The following SYTL2 variants were observed in gnomAD, a reference collection of about 807,000 sequenced individuals.
SYTL2 encodes synaptotagmin-like protein 2.
Under a neutral mutation model 198.7 loss-of-function variants are expected in SYTL2, and 165 were observed. The observed-to-expected ratio is 0.83, with a 90% CI of 0.73 to 0.94. The LOEUF is 0.94. Among genes scored for constraint, SYTL2 ranks in the 40% least tolerant of loss-of-function variants. The pLI is 0.00. For missense variants in SYTL2, 2,835 were observed against 2,582.8 expected (o/e 1.10, Z -2.12); for synonymous variants, 966 against 917.7 (o/e 1.05, Z -0.95).
At chr11:85,741,790 G>C (rs985234853) in intron 4 of SYTL2, among the ~76,000 whole-genome samples, 1 of 152,174 alleles carries the variant, frequency 6.6e-6, no homozygotes, top group African/African-American at 2.4e-5. Flanking sequence ...GGAAAACTAA[G>C]AGCTAAAGAT....
At chr11:85,702,638 T>C (rs1294232518) in intron 16 of SYTL2, among the ~76,000 whole-genome samples, 1 of 152,212 alleles carries the variant, frequency 6.6e-6, no homozygotes, top group Admixed American at 6.5e-5. Flanking sequence ...AAAACTGGGC[T>C]TGTGCTTCAA....
intron 1 of SYTL2, among the ~76,000 whole-genome samples, chr11:85,773,698 C>T (rs548490046): frequency 6.6e-6 from 1 of 152,264 alleles, no homozygotes; most frequent in African/African-American, 2.4e-5. Context: ...ATCAAAGTAC[C>T]ACATTCATTT....
At position 85,695,036 on chromosome 11, in the gene SYTL2, T is replaced by C; in HGVS notation, c.*159A>G. On this transcript the variant is annotated 3_prime_UTR_variant, in exon 20 of 20. Transcript: ENST00000359152. ...TTATATTTAAATCCCTTGGGCCTTG[T>C]AATCAAAGAAGCACATGCAGATTGA... 1.7e-6 allele frequency: 1 copy of C among 586,468 alleles called. No homozygotes were observed. Among genetic ancestry groups the C allele is most frequent in the Non-Finnish European group, 2.8e-6 (1 of 353,608 alleles). The allele number at this position is 586,468 out of a possible 1,614,324, so 36.3% of individuals were successfully genotyped here.
upstream of SYTL2, among the ~76,000 whole-genome samples, chr11:85,816,118 T>G (rs1374535613): frequency 3.9e-5 from 6 of 152,064 alleles, no homozygotes; most frequent in Non-Finnish European, 7.4e-5. Flanking sequence ...TGAGCCGAGA[T>G]CACGCCACTG....
the SYTL2 span, among the ~76,000 whole-genome samples, chr11:85,835,648 C>T: frequency 6.6e-6 from 1 of 152,162 alleles, no homozygotes; most frequent in Non-Finnish European, 1.5e-5. Flanking sequence ...GGCAATATCC[C>T]TCTCAGAACC....
rs751597251 is a variant in SYTL2 at position 85,717,480 on chromosome 11, C to T, written c.5530+3G>A. On this transcript the variant is annotated splice_donor_region_variant and intron_variant, in intron 11 of 19. Transcript: ENST00000359152. ...CATTTGTGAGAAAGATCCTGCTACT[C>T]ACTTCTTGGTACGCATTCATTTGTA... 1 of 1,612,350 alleles carries T rather than the reference C, an allele frequency of 6.2e-7. No individual in the cohort carries two copies. The highest frequency in any genetic ancestry group is 8.5e-7 in the Non-Finnish European group (1 of 1,178,654).
chr11:85,734,864 G>T (rs368113441), intron 6 of SYTL2, 122 bp from the exon 7 acceptor site: 86 of 779,090 alleles, frequency 1.1e-4, no homozygotes, highest in African/African-American at 6.5e-4. Flanking sequence ...AGTAAAGTAT[G>T]TGGCACAACT....
chr11:85,746,711 C>A (rs770391765), intron 3 of SYTL2, among the ~76,000 whole-genome samples: 30 of 152,164 alleles, frequency 2.0e-4, no homozygotes, highest in Non-Finnish European at 4.1e-4. Context: ...AAAATGGGGT[C>A]ACCTGGTACT....
intron 1 of SYTL2, among the ~76,000 whole-genome samples, chr11:85,807,872 T>G (rs984827844): frequency 6.6e-6 from 1 of 152,172 alleles, no homozygotes; most frequent in African/African-American, 2.4e-5. Flanking sequence ...CTTTTAATTA[T>G]TCATGATTTT....
chr11:85,759,527 T>C (rs1215856603), intron 1 of SYTL2, among the ~76,000 whole-genome samples: 3 of 97,406 alleles, frequency 3.1e-5, no homozygotes, highest in African/African-American at 9.5e-5. Context: ...TTGCATTCTG[T>C]ACCAAAAATA....
At chr11:85,837,274 G>C in the SYTL2 span, among the ~76,000 whole-genome samples, 44 of 152,286 alleles carry the variant, frequency 2.9e-4, no homozygotes, top group South Asian at 2.3e-3. Context: ...GGTAATGAAG[G>C]GTATAAGAGT....
chr11:85,789,380 A>G lies in SYTL2; in HGVS notation c.-390+21574T>C, dbSNP rs867039439. 1.8e-3 allele frequency among the ~76,000 whole-genome samples: 131 copies of G among 72,268 alleles called. 5 individuals carry two copies. The highest frequency in any genetic ancestry group is 5.0e-3 in the Admixed American group (30 of 6,046). The allele number at this position is 72,268 out of a possible 152,430, so 47.4% of individuals were successfully genotyped here. A position where few individuals can be genotyped will look rare whatever the true frequency, so the allele number is the denominator to read the frequency against. On this transcript the variant is annotated intron_variant, in intron 1 of 19. Coordinates refer to ENST00000359152, the MANE Select transcript of SYTL2 (RefSeq NM_206927.4). ...TATATATATATATATATATATATGT[A>G]TATATATATATATATATATAATTTT...
At chr11:85,822,032 C>G in the SYTL2 span, among the ~76,000 whole-genome samples, 1 of 152,230 alleles carries the variant, frequency 6.6e-6, no homozygotes, top group Admixed American at 6.5e-5. Context: ...TATCTGCTTT[C>G]CATTTCAAAG....
intron 14 of SYTL2, among the ~76,000 whole-genome samples, chr11:85,708,366 TATA>T (rs544746001): frequency 4.6e-5 from 7 of 152,062 alleles, no homozygotes; most frequent in Non-Finnish European, 7.4e-5. Context: ...CAGTTGTTTT[TATA>T]ATAAGAATAA....
intron 1 of SYTL2, among the ~76,000 whole-genome samples, chr11:85,769,881 C>A (rs1255562159): frequency 6.6e-6 from 1 of 152,180 alleles, no homozygotes; most frequent in Non-Finnish European, 1.5e-5. Flanking sequence ...AGGAGAACCA[C>A]AACCACTTGC....
intron 7 of SYTL2, among the ~76,000 whole-genome samples, chr11:85,728,929 T>C (rs1359122303): frequency 1.3e-5 from 2 of 152,218 alleles, no homozygotes; most frequent in African/African-American, 4.8e-5. Context: ...ATTCTAGTGA[T>C]TGTTCTGCAT....
At chr11:85,824,545 G>C in the SYTL2 span, among the ~76,000 whole-genome samples, 1 of 152,164 alleles carries the variant, frequency 6.6e-6, no homozygotes, top group African/African-American at 2.4e-5. Context: ...GGTTTGTATT[G>C]AGTAACAGAA....
intron 3 of SYTL2, among the ~76,000 whole-genome samples, chr11:85,747,398 A>AT (rs1158843045): frequency 6.6e-6 from 1 of 152,150 alleles, no homozygotes; most frequent in Non-Finnish European, 1.5e-5. Flanking sequence ...CTGGGGTGGG[A>AT]TGCTGGCTGC....
Position 85,695,031 on chromosome 11 carries a change from C to T in SYTL2, c.*164G>A. On this transcript the variant is annotated 3_prime_UTR_variant, in exon 20 of 20. Transcript: ENST00000359152. ...TTTTGTTATATTTAAATCCCTTGGG[C>T]CTTGTAATCAAAGAAGCACATGCAG... The T allele has an allele frequency of 1.8e-6, 1 of 550,604 alleles. No homozygotes were observed. The allele number at this position is 550,604 out of a possible 1,614,324, so 34.1% of individuals were successfully genotyped here.
Sources: gnomAD v4.1 joint callset for allele counts (sites outside exome capture counted in the v4.1 genomes callset) on GRCh38, gnomAD v4.1.1 for gene constraint, MANE v1.5 for transcripts, NCBI Gene and HGNC (gene_info 2026-07-23, HGNC 2026-07-21) for gene names.